The following FBXW4 variants were observed in gnomAD, a reference collection of about 807,000 sequenced individuals.
FBXW4 encodes F-box/WD repeat-containing protein 4.
A neutral mutation model predicts 61.8 loss-of-function variants in FBXW4; 40 were observed. The observed-to-expected ratio is 0.65, with a 90% CI of 0.50 to 0.84. FBXW4 has a LOEUF of 0.84. Among genes scored for constraint, FBXW4 ranks in the 40% least tolerant of loss-of-function variants. FBXW4 has a pLI of 0.00. For synonymous variants in FBXW4, 311 were observed against 313.8 expected, an observed-to-expected ratio of 0.99 and a Z score of 0.10; for missense variants, 672 against 753.8, an observed-to-expected ratio of 0.89 and a Z score of 1.27.
chr10:101,690,163 A>G (rs2064579786), intron 1 of FBXW4, among the ~76,000 whole-genome samples: 1 of 152,180 alleles, frequency 6.6e-6, no homozygotes, highest in South Asian at 2.1e-4. Flanking sequence ...GCGTTTGTTA[A>G]TTTTCAGTAT....
chr10:101,611,395 A>G lies in FBXW4; in HGVS notation c.1600T>C (p.Ser534Pro). 1 of 1,613,548 alleles carries G rather than the reference A, an allele frequency of 6.2e-7. No individual in the cohort carries two copies. Among genetic ancestry groups the G allele is most frequent in the East Asian group, 2.2e-5 (1 of 44,838 alleles). ...RACLHAFPLT[S>P]TPLSSPVYCL... Reference sequence around the variant, plus strand: ...TACACAGGGCTGCTGAGGGGAGTCGACGTCAGCGGGAAGGCCTGGAAGGGA... The same window carrying G: ...TACACAGGGCTGCTGAGGGGAGTCGGCGTCAGCGGGAAGGCCTGGAAGGGA... The change falls in exon 9 of 9, where the codon TCG (serine) becomes CCG (proline). Residue 534 changes from serine (S) to proline (P), a missense_variant. Ser to Pro is a moderately conservative substitution (Grantham distance 74). Around this residue, in one of 5 missense-constraint regions of FBXW4, gnomAD observed 312 missense variants for 370.1 expected, o/e 0.84. Transcript: ENST00000331272. This position sits in a 1 kb window ranked among gnomAD's most constrained non-coding sequence, Gnocchi z 4.9.
At chr10:101,617,696 G>C (rs892666216) in intron 6 of FBXW4, among the ~76,000 whole-genome samples, 11 of 152,326 alleles carry the variant, frequency 7.2e-5, no homozygotes, top group East Asian at 3.9e-4. Context: ...GGGCAGCCGC[G>C]TAGATAAAAG....
At chr10:101,695,241 T>C, upstream of FBXW4, 1 of 970,316 alleles carries the variant, frequency 1.0e-6, no homozygotes, top group Non-Finnish European at 1.2e-6. This position sits in a 1 kb window ranked among gnomAD's most constrained non-coding sequence, Gnocchi z 4.2. Context: ...CCCTCACACC[T>C]GCAGCCTTGG....
chr10:101,629,561 C>T (rs545898155), intron 5 of FBXW4, among the ~76,000 whole-genome samples: 6 of 152,106 alleles, frequency 3.9e-5, no homozygotes, highest in Admixed American at 6.6e-5. Flanking sequence ...TGGGATTAGA[C>T]GCATGAGCCA....
intron 6 of FBXW4, among the ~76,000 whole-genome samples, chr10:101,619,834 A>C (rs760629299): frequency 1.2e-4 from 19 of 152,132 alleles, no homozygotes; most frequent in Non-Finnish European, 2.4e-4. Flanking sequence ...GTCTTGATGG[A>C]ATGAGGGGCT....
At chr10:101,693,870 C>G (rs1209246850) in intron 1 of FBXW4, among the ~76,000 whole-genome samples, 2 of 152,144 alleles carry the variant, frequency 1.3e-5, no homozygotes, top group African/African-American at 4.8e-5. Flanking sequence ...TGGCTGAACA[C>G]TGGGACCGAG....
At position 101,612,461 on chromosome 10, in the gene FBXW4, G is replaced by A; in HGVS notation, c.1318C>T (p.His440Tyr). Residue 440 changes from histidine (H) to tyrosine (Y), a missense_variant, in exon 7 of 9, where the codon CAC becomes TAC. Physicochemically the swap from His to Tyr is moderately conservative, Grantham distance 83. Transcript: ENST00000331272. ...WDLNSGQLMT[H>Y]LGSDFPPGAG... ...CCTGGGGGAAAGTCACTGCCCAAGTGTGTCATCAGCTGCCCACTGGGAAGG... is the reference window on the plus strand; with the variant it reads ...CCTGGGGGAAAGTCACTGCCCAAGTATGTCATCAGCTGCCCACTGGGAAGG... 1 of 1,583,556 alleles carries A rather than the reference G, an allele frequency of 6.3e-7. No homozygotes were observed. Among genetic ancestry groups the A allele is most frequent in the Admixed American group, 1.8e-5 (1 of 57,034 alleles).
chr10:101,633,973 C>T (rs1171403334), intron 5 of FBXW4, among the ~76,000 whole-genome samples: 5 of 151,828 alleles, frequency 3.3e-5, no homozygotes, highest in Admixed American at 2.6e-4. Context: ...ATTAGCCAGG[C>T]GTGGTGGTGG....
At chr10:101,676,790 A>C (rs1240094256) in intron 1 of FBXW4, 1 of 159,440 alleles carries the variant, frequency 6.3e-6, no homozygotes, top group Non-Finnish European at 1.4e-5. Flanking sequence ...AATTCAAAAC[A>C]GATCATAAAC....
chr10:101,626,367 T>C (rs1340103554), intron 5 of FBXW4: 1 of 152,812 alleles, frequency 6.5e-6, no homozygotes, highest in East Asian at 1.9e-4. Context: ...AATCCATTAA[T>C]AACTGGTAAA....
rs571741357 is a variant in FBXW4 at position 101,636,148 on chromosome 10, G to A, written c.1236-11338C>T. ...GCGGATCAGTTGAGGTCAGGAGTTC[G>A]AGACCAGCCTGGCCAACATGGTGAA... is the stretch of plus-strand genomic sequence containing the variant. On this transcript the variant is annotated intron_variant, in intron 5 of 8. Coordinates refer to ENST00000331272, the MANE Select transcript of FBXW4 (RefSeq NM_022039.4). 3.3e-5 allele frequency among the ~76,000 whole-genome samples: 5 copies of A among 152,092 alleles called. No homozygotes were observed. The South Asian group carries it at 1.0e-3, about 32-fold the overall frequency.
intron 1 of FBXW4, among the ~76,000 whole-genome samples, chr10:101,687,692 A>G (rs1417845944): frequency 6.6e-6 from 1 of 152,064 alleles, no homozygotes; most frequent in African/African-American, 2.4e-5. Flanking sequence ...ACTTCATACA[A>G]ATACGAATCC....
At chr10:101,621,002 C>G (rs971205130) in intron 6 of FBXW4, among the ~76,000 whole-genome samples, 1 of 152,210 alleles carries the variant, frequency 6.6e-6, no homozygotes, top group Non-Finnish European at 1.5e-5. Context: ...TGAGATGATG[C>G]TGGGTCACAG....
At chr10:101,668,839 C>A (rs1359434493) in intron 4 of FBXW4, among the ~76,000 whole-genome samples, 1 of 152,136 alleles carries the variant, frequency 6.6e-6, no homozygotes, top group Non-Finnish European at 1.5e-5. Flanking sequence ...AAGCCCCTAA[C>A]CAAACAGAAA....
intron 6 of FBXW4, among the ~76,000 whole-genome samples, chr10:101,613,366 T>G (rs1470940558): frequency 4.6e-5 from 7 of 152,198 alleles, no homozygotes; most frequent in Admixed American, 2.6e-4. Flanking sequence ...GTATGGAGTT[T>G]CCACAGAATG....
rs539330157 is a variant in FBXW4 at position 101,678,251 on chromosome 10, G to T, written c.726-1815C>A. Reference sequence around the variant, plus strand: ...CCCTTACAGAGTACGCCTTTGAAGAGAATTTTGAAATCATGAGCAAGAATT... The same window carrying T: ...CCCTTACAGAGTACGCCTTTGAAGATAATTTTGAAATCATGAGCAAGAATT... On this transcript the variant is annotated intron_variant, in intron 1 of 8. Coordinates refer to ENST00000331272, the MANE Select transcript of FBXW4 (RefSeq NM_022039.4). 7.2e-5 allele frequency among the ~76,000 whole-genome samples: 11 copies of T among 152,276 alleles called. No homozygotes were observed. The Middle Eastern group carries it at 0.014, about 188-fold the overall frequency.
intron 6 of FBXW4, among the ~76,000 whole-genome samples, chr10:101,615,072 T>C (rs935972548): frequency 4.6e-5 from 7 of 152,150 alleles, no homozygotes; most frequent in African/African-American, 7.2e-5. Flanking sequence ...TGTGTTCTTA[T>C]AAAAACGATT....
At chr10:101,628,812 A>C (rs1171975040) in intron 5 of FBXW4, among the ~76,000 whole-genome samples, 1 of 152,200 alleles carries the variant, frequency 6.6e-6, no homozygotes, top group Non-Finnish European at 1.5e-5. Flanking sequence ...TAGAGGGTCT[A>C]AAAGTCATTT....
intron 5 of FBXW4, among the ~76,000 whole-genome samples, chr10:101,635,986 T>C (rs1407716522): frequency 6.6e-6 from 1 of 152,106 alleles, no homozygotes; most frequent in African/African-American, 2.4e-5. Flanking sequence ...GAGTGAAAAC[T>C]TGAACAAGTA....
Sources: allele counts gnomAD v4.1 joint callset (sites outside exome capture counted in the v4.1 genomes callset), GRCh38; gene constraint gnomAD v4.1.1; regional missense constraint gnomAD v4.1.1; non-coding constraint Gnocchi (gnomAD v3.1); transcripts MANE v1.5; gene names NCBI Gene and HGNC (gene_info 2026-07-23, HGNC 2026-07-21).